Variants in NUMB observed in about 807,000 individuals in gnomAD.
NUMB encodes the protein protein numb homolog.
NUMB carries 29 observed loss-of-function variants against 59.7 expected under a neutral mutation model. The observed-to-expected ratio is 0.49, with a 90% CI of 0.36 to 0.66. The LOEUF (loss-of-function observed/expected upper bound fraction) is 0.66. NUMB is among the 30% of genes least tolerant of loss of function. The pLI, the probability that NUMB is intolerant of heterozygous loss-of-function variation, is 0.00. For missense variants in NUMB, 723 were observed against 822.0 expected (o/e 0.88, Z 1.47); for synonymous variants, 288 against 288.2 (o/e 1.00, Z 0.01).
At chr14:73,364,376 C>T (rs910988057) in intron 3 of NUMB, among the ~76,000 whole-genome samples, 22 of 151,886 alleles carry the variant, frequency 1.4e-4, no homozygotes, top group African/African-American at 4.8e-4. Flanking sequence ...TGGTGATGCC[C>T]GCTTATAGTC....
chr14:73,421,419 T>C (rs1595019771), intron 1 of NUMB, among the ~76,000 whole-genome samples: 2 of 152,064 alleles, frequency 1.3e-5, no homozygotes, highest in South Asian at 4.1e-4. Flanking sequence ...CCTCAGGTGG[T>C]CCACCTGCCT....
chr14:73,292,593 A>G lies in NUMB; in HGVS notation c.450+141T>C, dbSNP rs1889471064. 5 of 689,158 alleles carry G rather than the reference A, an allele frequency of 7.3e-6. No homozygotes were observed. In the Admixed American group the frequency reaches 1.2e-4, roughly 16 times the overall value. The allele number at this position is 689,158 out of a possible 1,614,324, so 42.7% of individuals were successfully genotyped here. ...CATCAAGAGTGTGAACTATTTGAAT[A>G]AAAGGAGCTGAAAGTAGGCTAGTTT... On this transcript the variant is annotated intron_variant, in intron 8 of 12. Transcript: ENST00000555238.
chr14:73,406,100 T>TTTA (rs1896657978), intron 2 of NUMB, among the ~76,000 whole-genome samples: 1 of 151,506 alleles, frequency 6.6e-6, no homozygotes, highest in East Asian at 1.9e-4. Flanking sequence ...TTGTTTTTTT[T>TTTA]TTTTTTTATT....
chr14:73,387,047 A>G (rs1895576259), intron 2 of NUMB, among the ~76,000 whole-genome samples: 1 of 149,770 alleles, frequency 6.7e-6, no homozygotes, highest in South Asian at 2.1e-4. Flanking sequence ...CGCCCGGCTA[A>G]TTTTTTTTGT....
intron 2 of NUMB, among the ~76,000 whole-genome samples, chr14:73,382,304 G>C (rs1371838840): frequency 6.6e-6 from 1 of 152,028 alleles, no homozygotes; most frequent in East Asian, 1.9e-4. Context: ...ATGCCATCAT[G>C]CCTGGCTAAT....
chr14:73,353,072 GTTTTTTTTTTTTTTTTTT>G (rs71112737), intron 4 of NUMB, among the ~76,000 whole-genome samples: 6 of 58,514 alleles, frequency 1.0e-4, no homozygotes, highest in African/African-American at 1.7e-4. Flanking sequence ...AGTTTTTCTT[GTTTTTTTTTTTTTTTTTT>G]TTTTTTTTTT....
At chr14:73,450,104 A>C (rs1286840822) in intron 1 of NUMB, among the ~76,000 whole-genome samples, 1 of 152,260 alleles carries the variant, frequency 6.6e-6, no homozygotes, top group Non-Finnish European at 1.5e-5. Context: ...AATAGATCTA[A>C]TGTGATAATT....
chr14:73,388,703 C>T (rs1460686510), intron 2 of NUMB, among the ~76,000 whole-genome samples: 1 of 152,164 alleles, frequency 6.6e-6, no homozygotes, highest in Non-Finnish European at 1.5e-5. Flanking sequence ...TAGCTCACGC[C>T]TGTAATCCCA....
chr14:73,429,151 C>T (rs1453470505), intron 1 of NUMB, among the ~76,000 whole-genome samples: 1 of 152,050 alleles, frequency 6.6e-6, no homozygotes, highest in Non-Finnish European at 1.5e-5. Flanking sequence ...GCGGGCGGAT[C>T]GCGAGGTCAG....
chr14:73,453,639 G>A (rs139785056), intron 1 of NUMB, among the ~76,000 whole-genome samples: 2 of 138,340 alleles, frequency 1.4e-5, no homozygotes, highest in African/African-American at 5.5e-5. Context: ...ACAAAGTCTC[G>A]CTTTGTCGCC....
At chr14:73,338,110 C>G (rs912881306) in intron 4 of NUMB, among the ~76,000 whole-genome samples, 4 of 151,536 alleles carry the variant, frequency 2.6e-5, no homozygotes, top group African/African-American at 7.3e-5. Flanking sequence ...CATAGTGAGA[C>G]CCCCCCACCC....
chr14:73,341,464 T>C (rs953792851), intron 4 of NUMB, among the ~76,000 whole-genome samples: 3 of 152,170 alleles, frequency 2.0e-5, no homozygotes, highest in Non-Finnish European at 4.4e-5. Context: ...AGTAAAACTG[T>C]ATTATTTTTT....
At chr14:73,311,427 G>A (rs1386557354) in intron 6 of NUMB, among the ~76,000 whole-genome samples, 1 of 152,092 alleles carries the variant, frequency 6.6e-6, no homozygotes, top group African/African-American at 2.4e-5. Context: ...CTTTTACAAT[G>A]TTTGTAAGCT....
At chr14:73,328,687 CT>C (rs1213792745) in intron 4 of NUMB, among the ~76,000 whole-genome samples, 1 of 152,136 alleles carries the variant, frequency 6.6e-6, no homozygotes, top group South Asian at 2.1e-4. Context: ...TTATCCACAT[CT>C]TTTTTTTCTT....
At chr14:73,325,864 C>T (rs1363084424) in intron 4 of NUMB, among the ~76,000 whole-genome samples, 1 of 152,178 alleles carries the variant, frequency 6.6e-6, no homozygotes, top group African/African-American at 2.4e-5. Context: ...GAAACCCCTG[C>T]AAGAGCCACA....
chr14:73,303,688 G>A (rs755993120), intron 6 of NUMB, among the ~76,000 whole-genome samples: 7 of 151,934 alleles, frequency 4.6e-5, no homozygotes, highest in Non-Finnish European at 7.4e-5. Flanking sequence ...TTTTATCATC[G>A]CTGCTCTAAC....
chr14:73,407,402 T>G (rs1215373910), intron 2 of NUMB, among the ~76,000 whole-genome samples: 1 of 152,136 alleles, frequency 6.6e-6, no homozygotes, highest in African/African-American at 2.4e-5. Flanking sequence ...TAGTGCTAAC[T>G]GCACTCCTCC....
At chr14:73,322,784 AT>A (rs1325412336) in intron 5 of NUMB, 1 of 153,344 alleles carries the variant, frequency 6.5e-6, no homozygotes, top group Non-Finnish European at 1.5e-5. Context: ...GGCTCATCTA[AT>A]AATTTATACC....
Position 73,340,478 on chromosome 14 carries a change from C to A in NUMB, c.126+15148G>T, listed in dbSNP as rs142484518. Among the ~76,000 whole-genome samples, 793 of 152,284 alleles carry A rather than the reference C, an allele frequency of 5.2e-3. 15 individuals are homozygous for A. In the South Asian group the frequency reaches 0.059, roughly 11 times the overall value. On this transcript the variant is annotated intron_variant, in intron 4 of 12. Coordinates refer to ENST00000555238, the MANE Select transcript of NUMB (RefSeq NM_001005743.2). ...ACAACCCTAATTCCCTTTGAACATA[C>A]CAGATACTTTACATATTTACTTATT...
Sources: allele counts gnomAD v4.1 joint callset (sites outside exome capture counted in the v4.1 genomes callset), GRCh38; gene constraint gnomAD v4.1.1; transcripts MANE v1.5; gene names NCBI Gene and HGNC (gene_info 2026-07-23, HGNC 2026-07-21).